ADAMTS3: variants seen among roughly 807,000 people sequenced by gnomAD.
ADAMTS3 encodes ADAM metallopeptidase with thrombospondin type 1 motif 3.
A neutral mutation model predicts 129.0 loss-of-function variants in ADAMTS3; 73 were observed. The ratio of observed to expected loss-of-function variants is 0.57; its 90% CI spans 0.47 to 0.69. The LOEUF is 0.69. Among genes scored for constraint, ADAMTS3 ranks in the 30% least tolerant of loss-of-function variants. ADAMTS3 has a pLI of 0.00. For missense variants in ADAMTS3, 1,457 were observed against 1,514.5 expected, an observed-to-expected ratio of 0.96 and a Z score of 0.63; for synonymous variants, 477 against 510.8, an observed-to-expected ratio of 0.93 and a Z score of 0.89.
intron 3 of ADAMTS3, among the ~76,000 whole-genome samples, chr4:72,453,259 T>C (rs1222636196): frequency 6.6e-6 from 1 of 151,826 alleles, no homozygotes; most frequent in Admixed American, 6.6e-5. Flanking sequence ...TTTCAGACAC[T>C]ATGGCTGGTA....
chr4:72,379,981 G>GT (rs1431100595), intron 4 of ADAMTS3, among the ~76,000 whole-genome samples: 1 of 151,894 alleles, frequency 6.6e-6, no homozygotes, highest in East Asian at 1.9e-4. Flanking sequence ...TATACATTCT[G>GT]TATCATTTAG....
At chr4:72,403,509 T>C (rs185222205) in intron 4 of ADAMTS3, among the ~76,000 whole-genome samples, 48 of 152,048 alleles carry the variant, frequency 3.2e-4, no homozygotes, top group Non-Finnish European at 4.7e-4. Context: ...AATTTGGATA[T>C]ACAGACAATC....
chr4:72,290,121 G>C (rs1052039220), intron 20 of ADAMTS3, among the ~76,000 whole-genome samples: 1 of 152,156 alleles, frequency 6.6e-6, no homozygotes, highest in African/African-American at 2.4e-5. Flanking sequence ...GCAACATTGA[G>C]TCAGCCAATT....
chr4:72,346,165 C>A (rs1449544194), intron 4 of ADAMTS3, among the ~76,000 whole-genome samples: 1 of 152,142 alleles, frequency 6.6e-6, no homozygotes, highest in Admixed American at 6.6e-5. Context: ...CAGATTGTGT[C>A]TTCCTGCATT....
intron 3 of ADAMTS3, among the ~76,000 whole-genome samples, chr4:72,433,738 A>G (rs1722753297): frequency 6.6e-6 from 1 of 151,950 alleles, no homozygotes; most frequent in Non-Finnish European, 1.5e-5. Context: ...CTTACATATA[A>G]GTGATTTTCC....
chr4:72,445,742 T>C (rs993099996), intron 3 of ADAMTS3, among the ~76,000 whole-genome samples: 1 of 151,726 alleles, frequency 6.6e-6, no homozygotes, highest in Non-Finnish European at 1.5e-5. Flanking sequence ...CCAAGTGCTG[T>C]CACCTTAATT....
At chr4:72,515,645 T>A (rs1404110251) in intron 3 of ADAMTS3, among the ~76,000 whole-genome samples, 1 of 151,888 alleles carries the variant, frequency 6.6e-6, no homozygotes, top group East Asian at 1.9e-4. Flanking sequence ...TTTTGAGAAG[T>A]GTCTGTTCAT....
intron 4 of ADAMTS3, among the ~76,000 whole-genome samples, chr4:72,344,413 C>T (rs1392153635): frequency 6.6e-6 from 1 of 152,102 alleles, no homozygotes; most frequent in East Asian, 1.9e-4. Flanking sequence ...AATACAAATA[C>T]ATTTGGGGTT....
intron 4 of ADAMTS3, among the ~76,000 whole-genome samples, chr4:72,366,881 G>A (rs1212137501): frequency 6.6e-6 from 1 of 151,552 alleles, no homozygotes; most frequent in Admixed American, 6.6e-5. Flanking sequence ...CTCTAAATAA[G>A]TGGTTCTTTC....
chr4:72,455,928 T>G lies in ADAMTS3; in HGVS notation c.505-40957A>C, dbSNP rs1323978367. Among the ~76,000 whole-genome samples, 905 of 114,534 alleles carry G rather than the reference T, an allele frequency of 7.9e-3. 92 individuals are homozygous for G. Among genetic ancestry groups the G allele is most frequent in the African/African-American group, 0.029 (859 of 29,698 alleles). 75.1% of individuals were successfully genotyped at this position (114,534 alleles called of 152,430 possible). A position where few individuals can be genotyped will look rare whatever the true frequency, so the allele number is the denominator to read the frequency against. ...ATACACTGTATATATACTATATATA[T>G]TTTATATATAGTATATATACAGTAT... On this transcript the variant is annotated intron_variant, in intron 3 of 21. Transcript: ENST00000286657.
intron 3 of ADAMTS3, chr4:72,441,778 TCA>T (rs1718123133): frequency 6.7e-6 from 1 of 149,656 alleles, no homozygotes. Context: ...GCTTAAATAT[TCA>T]CAGCCTTTCC....
At chr4:72,423,544 T>C (rs1158084043) in intron 3 of ADAMTS3, among the ~76,000 whole-genome samples, 1 of 152,224 alleles carries the variant, frequency 6.6e-6, no homozygotes, top group East Asian at 1.9e-4. Flanking sequence ...GGACAGATTT[T>C]TTTTTCTTTT....
chr4:72,383,050 T>G (rs72852003), intron 4 of ADAMTS3, among the ~76,000 whole-genome samples: 2 of 152,144 alleles, frequency 1.3e-5, no homozygotes, highest in African/African-American at 2.4e-5. Context: ...AATAAAAAAT[T>G]TAAAAAGAAT....
At chr4:72,336,903 A>G (rs1157045809) in intron 5 of ADAMTS3, among the ~76,000 whole-genome samples, 1 of 151,914 alleles carries the variant, frequency 6.6e-6, no homozygotes, top group Non-Finnish European at 1.5e-5. Flanking sequence ...ACATTGCCAT[A>G]TGTCCCTGGG....
intron 11 of ADAMTS3, 56 bp from the exon 12 acceptor site, chr4:72,313,878 T>G: frequency 6.3e-7 from 1 of 1,598,442 alleles, no homozygotes; most frequent in Non-Finnish European, 8.6e-7. Context: ...AAAGCTGAAG[T>G]TGTTATACAA....
At chr4:72,488,940 C>T (rs1719661633) in intron 3 of ADAMTS3, among the ~76,000 whole-genome samples, 1 of 151,882 alleles carries the variant, frequency 6.6e-6, no homozygotes, top group South Asian at 2.1e-4. Flanking sequence ...CCCATTTTCT[C>T]CTCATCATGA....
chr4:72,417,160 C>T lies in ADAMTS3; in HGVS notation c.505-2189G>A, dbSNP rs576079836. 1.1e-4 allele frequency among the ~76,000 whole-genome samples: 17 copies of T among 152,298 alleles called. No individual in the cohort carries two copies. In the South Asian group the frequency reaches 3.5e-3, roughly 32 times the overall value. On this transcript the variant is annotated intron_variant, in intron 3 of 21. Transcript: ENST00000286657. ...CATCCTCCTAAGTCCACTAACATTT[C>T]CTTAGTTATAAACATCATCATTGTT... is the stretch of plus-strand genomic sequence containing the variant.
chr4:72,448,336 G>A (rs779353180), intron 3 of ADAMTS3, among the ~76,000 whole-genome samples: 3 of 151,790 alleles, frequency 2.0e-5, no homozygotes, highest in South Asian at 2.1e-4. Context: ...TTCGGATTCA[G>A]TACGATGTAA....
intron 3 of ADAMTS3, among the ~76,000 whole-genome samples, chr4:72,457,573 A>G (rs1019634309): frequency 1.3e-5 from 2 of 151,664 alleles, no homozygotes; most frequent in African/African-American, 4.8e-5. Context: ...TCTGTTACCA[A>G]TAAACAAACA....
Sources: allele counts gnomAD v4.1 joint callset (sites outside exome capture counted in the v4.1 genomes callset), GRCh38; gene constraint gnomAD v4.1.1; transcripts MANE v1.5; gene names NCBI Gene and HGNC (gene_info 2026-07-23, HGNC 2026-07-21).